AKR7A2: variants seen among roughly 807,000 people sequenced by gnomAD.
AKR7A2 encodes the protein aflatoxin B1 aldehyde reductase member 2.
A neutral mutation model predicts 37.3 loss-of-function variants in AKR7A2; 29 were observed. That is an observed-to-expected ratio of 0.78 (90% CI 0.58 to 1.06). The LOEUF (loss-of-function observed/expected upper bound fraction) is 1.06, where lower values mean the gene tolerates loss of function less well. Among genes scored for constraint, AKR7A2 ranks in the 50% least tolerant of loss-of-function variants. The pLI is 0.00. For missense variants in AKR7A2, 529 were observed against 497.9 expected (o/e 1.06, Z -0.59); for synonymous variants, 228 against 217.8 (o/e 1.05, Z -0.41).
intron 5 of AKR7A2, among the ~76,000 whole-genome samples, chr1:19,306,707 C>G (rs1297781320): frequency 6.6e-6 from 1 of 151,976 alleles, no homozygotes; most frequent in Non-Finnish European, 1.5e-5. Flanking sequence ...GCTGGGATTA[C>G]AGGTGTGAGC....
chr1:19,311,899 T>A lies in AKR7A2; in HGVS notation c.226A>T (p.Met76Leu), dbSNP rs567647567. ...GTCTCGGACTGGCCGTCGCTGTACA[T>A]GAAGGCCGTGTCCAGTTCGGTGTGG... is the stretch of plus-strand genomic sequence containing the variant. ...RGHTELDTAFMYSDGQSETIL... is the reference protein window; with the variant it reads ...RGHTELDTAFLYSDGQSETIL... Residue 76 changes from methionine (M) to leucine (L), a missense_variant, in exon 1 of 7, where the codon ATG (methionine) becomes TTG (leucine). Transcript: ENST00000235835. 6.2e-7 allele frequency: 1 copy of A among 1,610,692 alleles called. No individual in the cohort carries two copies. Among genetic ancestry groups the A allele is most frequent in the Non-Finnish European group, 8.5e-7 (1 of 1,179,490 alleles).
downstream of AKR7A2, among the ~76,000 whole-genome samples, chr1:19,303,365 C>T (rs2093755574): frequency 6.6e-6 from 1 of 152,280 alleles, no homozygotes; most frequent in East Asian, 1.9e-4. Flanking sequence ...CTGCCCTGCC[C>T]ATGGCTGGAG....
chr1:19,303,649 G>A (rs116348652), downstream of AKR7A2, among the ~76,000 whole-genome samples: 1,946 of 152,264 alleles, frequency 0.013, 43 homozygotes, highest in African/African-American at 0.044. Context: ...CTTCTTCTTG[G>A]TAGTGACTCT....
Position 19,307,310 on chromosome 1 carries a change from G to C in AKR7A2, c.688+4C>G. 6.2e-7 allele frequency: 1 copy of C among 1,612,996 alleles called. No individual in the cohort carries two copies. The highest frequency in any genetic ancestry group is 1.7e-5 in the Admixed American group (1 of 60,020). The stretch of plus-strand genomic sequence containing the variant: ...TGAGACAGGGTCAGGAATGCTCCAC[G>C]TACCAGCCAGAGGGTTGTAGGCATA... On this transcript the variant is annotated splice_donor_region_variant and intron_variant, in intron 4 of 6. Transcript: ENST00000235835.
chr1:19,304,147 C>G lies in AKR7A2; in HGVS notation c.*78G>C. 6.2e-7 allele frequency: 1 copy of G among 1,610,626 alleles called. No individual in the cohort carries two copies. The highest frequency in any genetic ancestry group is 1.7e-4 in the Middle Eastern group (1 of 6,058). On this transcript the variant is annotated 3_prime_UTR_variant, in exon 7 of 7. Transcript: ENST00000235835. The stretch of plus-strand genomic sequence containing the variant: ...ATTCAGAAAAACCCTTCTAAGTCAG[C>G]TTAAGGCCAAGACTGGTCAGTGTGA...
At chr1:19,307,216 C>G in intron 4 of AKR7A2, 98 bp downstream of exon 4, 8 of 1,598,518 alleles carry the variant, frequency 5.0e-6, no homozygotes, top group Non-Finnish European at 6.9e-6. Context: ...AAGAACACAG[C>G]CCAGCCTCTT....
intron 3 of AKR7A2, 106 bp downstream of exon 3, chr1:19,308,052 G>T (rs765166405): frequency 1.8e-5 from 25 of 1,420,200 alleles, no homozygotes; most frequent in South Asian, 1.2e-5. Context: ...TTTCAGCAGG[G>T]GAGTGGCTGC....
rs975450198 is a variant in AKR7A2 at position 19,312,088 on chromosome 1, C to T, written c.37G>A (p.Ala13Thr). 3.6e-5 allele frequency: 48 copies of T among 1,338,434 alleles called. No homozygotes were observed. In the African/African-American group the frequency reaches 6.0e-4, roughly 17 times the overall value. 82.9% of individuals were successfully genotyped at this position (1,338,434 alleles called of 1,614,324 possible). Residue 13 changes from alanine (A) to threonine (T), a missense_variant, in exon 1 of 7, where the codon GCC becomes ACC. Physicochemically the swap from Ala to Thr is moderately conservative, Grantham distance 58. Coordinates refer to ENST00000235835, the MANE Select transcript of AKR7A2 (RefSeq NM_003689.4). ...GGAGAGCGAAGCGCGCAGTGGACGGCGGCGCGGGAGACTACGCGAGACGCG... is the reference window on the plus strand; with the variant it reads ...GGAGAGCGAAGCGCGCAGTGGACGGTGGCGCGGGAGACTACGCGAGACGCG... Reference protein sequence around the residue: ...SAASRVVSRAAVHCALRSPPP... With the variant: ...SAASRVVSRATVHCALRSPPP...
intron 1 of AKR7A2, 76 bp downstream of exon 1, chr1:19,311,751 C>A (rs1392082650): frequency 1.3e-6 from 2 of 1,584,584 alleles, no homozygotes; most frequent in African/African-American, 1.3e-5. Context: ...GCGGCCGGGC[C>A]CGAGCGGGGT....
chr1:19,308,423 G>A (rs747102630), intron 2 of AKR7A2, 32 bp downstream of exon 2: 1 of 1,610,612 alleles, frequency 6.2e-7, no homozygotes, highest in South Asian at 1.1e-5. Flanking sequence ...AGGAGCAGGA[G>A]CCCACCTTTG....
chr1:19,304,321 T>C lies in AKR7A2; in HGVS notation c.984A>G (p.Ala328=). Residue 328 remains alanine (A), a synonymous_variant, in exon 7 of 7, where the codon GCA becomes GCG. Coordinates refer to ENST00000235835, the MANE Select transcript of AKR7A2 (RefSeq NM_003689.4). ...SSLEQLEQNL[A]ATEEGPLEPA... ...GCTCCAGGGGCCCTTCCTCTGTTGCTGCCAAGTTCTGCTCCAGCTGCTCCA... is the reference window on the plus strand; with the variant it reads ...GCTCCAGGGGCCCTTCCTCTGTTGCCGCCAAGTTCTGCTCCAGCTGCTCCA... 1 of 1,614,178 alleles carries C rather than the reference T, an allele frequency of 6.2e-7. No individual in the cohort carries two copies. Among genetic ancestry groups the C allele is most frequent in the Non-Finnish European group, 8.5e-7 (1 of 1,180,034 alleles).
intron 6 of AKR7A2, among the ~76,000 whole-genome samples, chr1:19,304,671 C>G (rs113982830): frequency 1.3e-5 from 2 of 152,196 alleles, no homozygotes; most frequent in East Asian, 3.8e-4. Context: ...CACAGAGGCT[C>G]ATGCCTGCAA....
chr1:19,304,030 C>A lies in AKR7A2; in HGVS notation c.*195G>T. 1.1e-6 allele frequency: 1 copy of A among 869,760 alleles called. No individual in the cohort carries two copies. 53.9% of individuals were successfully genotyped at this position (869,760 alleles called of 1,614,324 possible). The stretch of plus-strand genomic sequence containing the variant: ...AGTGCCTGCTTTATTCAACAGGAAG[C>A]GCTCAAGTGGGACTCACCCCCCACC... On this transcript the variant is annotated 3_prime_UTR_variant, in exon 7 of 7. Coordinates refer to ENST00000235835, the MANE Select transcript of AKR7A2 (RefSeq NM_003689.4).
At chr1:19,311,591 C>A (rs2093775647) in intron 1 of AKR7A2, among the ~76,000 whole-genome samples, 1 of 149,382 alleles carries the variant, frequency 6.7e-6, no homozygotes, top group Non-Finnish European at 1.5e-5. Flanking sequence ...TCAGACCAGG[C>A]TGGGGGGAGA....
intron 1 of AKR7A2, among the ~76,000 whole-genome samples, chr1:19,311,107 C>T (rs1432722482): frequency 6.6e-6 from 1 of 152,238 alleles, no homozygotes; most frequent in Non-Finnish European, 1.5e-5. Context: ...TGAGCTCCAT[C>T]CAGCATTTGC....
chr1:19,305,010 A>G (rs2093758657), intron 6 of AKR7A2: 2 of 160,794 alleles, frequency 1.2e-5, no homozygotes, highest in African/African-American at 4.8e-5. Context: ...TCAAACAAAA[A>G]TATTTTTCCT....
At chr1:19,304,428 C>T (rs1335626786) in intron 6 of AKR7A2, 42 bp from the exon 7 acceptor site, 1 of 1,613,718 alleles carries the variant, frequency 6.2e-7, no homozygotes. Flanking sequence ...TTCTGCTGCA[C>T]AGCGACTCCA....
chr1:19,309,494 C>T (rs1367498230), intron 1 of AKR7A2, among the ~76,000 whole-genome samples: 1 of 152,222 alleles, frequency 6.6e-6, no homozygotes, highest in Admixed American at 6.5e-5. Flanking sequence ...CTCCCCTCCC[C>T]TTCCTGACTC....
chr1:19,311,284 G>C (rs1471059087), intron 1 of AKR7A2, among the ~76,000 whole-genome samples: 2 of 152,188 alleles, frequency 1.3e-5, no homozygotes, highest in Non-Finnish European at 2.9e-5. Context: ...CTGGCATAGA[G>C]TGGATAGAAA....
Sources: allele counts gnomAD v4.1 joint callset (sites outside exome capture counted in the v4.1 genomes callset), GRCh38; gene constraint gnomAD v4.1.1; transcripts MANE v1.5; gene names NCBI Gene and HGNC (gene_info 2026-07-23, HGNC 2026-07-21).